ZNF630: variants seen among roughly 807,000 people sequenced by gnomAD.
ZNF630 encodes dJ54B20.2 (novel KRAB box containing C2H2 type zinc finger protein).
Under a neutral mutation model 7.2 loss-of-function variants are expected in ZNF630, and 5 were observed. The ratio of observed to expected loss-of-function variants is 0.70; its 90% CI spans 0.36 to 1.46. The LOEUF (loss-of-function observed/expected upper bound fraction) is 1.46. Ranked by LOEUF, ZNF630 falls within the 40% of genes most tolerant of loss-of-function variation. The pLI, the probability that ZNF630 is intolerant of heterozygous loss-of-function variation, is 0.03. For missense variants in ZNF630, 461 were observed against 477.0 expected, an observed-to-expected ratio of 0.97 and a Z score of 0.31; for synonymous variants, 158 against 162.8, an observed-to-expected ratio of 0.97 and a Z score of 0.23.
chrX:48,069,525 A>G (rs782182684), intron 1 of ZNF630, among the ~76,000 whole-genome samples: 1 of 111,807 alleles, frequency 8.9e-6, no homozygotes, highest in South Asian at 3.7e-4. Flanking sequence ...AGGAAGATCC[A>G]TGAAATATAT....
At position 48,060,052 on chromosome X, in the gene ZNF630, T is replaced by C. The variant is rs2059095987; in HGVS notation, c.390A>G (p.Gly130=). 8.3e-7 allele frequency: 1 copy of C among 1,204,027 alleles called. No homozygotes were observed. Among genetic ancestry groups the C allele is most frequent in the South Asian group, 1.8e-5 (1 of 56,324 alleles). ...CCTGCCTCAAAACTCTGTCTTGATT[T>C]CCTTGATATCTATCCATCTGATTAT... ...HIDNQMDRYQ[G]NQDRVLRQVT... The change falls in exon 5 of 5, where the codon GGA becomes GGG. Residue 130 remains glycine (G), a synonymous_variant. Transcript: ENST00000276054.
chrX:48,070,643 A>G (rs1189065777), intron 1 of ZNF630, among the ~76,000 whole-genome samples: 1 of 108,595 alleles, frequency 9.2e-6, no homozygotes, highest in Non-Finnish European at 1.9e-5. Context: ...AATTCCTACA[A>G]ATCATTAAGA....
intron 2 of ZNF630, chrX:48,061,808 T>C (rs1556909229): frequency 1.6e-5 from 5 of 321,323 alleles, no homozygotes; most frequent in South Asian, 1.4e-4. Context: ...TCCACCATGA[T>C]TGTAAGTTTC....
chrX:48,057,848 G>A lies in ZNF630; in HGVS notation c.*620C>T, dbSNP rs2059076907. On this transcript the variant is annotated 3_prime_UTR_variant, in exon 5 of 5. Transcript: ENST00000276054. The stretch of plus-strand genomic sequence containing the variant: ...AAGTGGGTGGATCACCTGAGGTCAG[G>A]AGTTCGAGACCAGCCTTGCCAACAT... Among the ~76,000 whole-genome samples the A allele has an allele frequency of 9.0e-6, 1 of 110,515 alleles. No homozygotes were observed. Among genetic ancestry groups the A allele is most frequent in the East Asian group, 2.8e-4 (1 of 3,520 alleles).
At chrX:48,068,856 C>T (rs1272639407) in intron 1 of ZNF630, among the ~76,000 whole-genome samples, 1 of 111,106 alleles carries the variant, frequency 9.0e-6, no homozygotes, top group Non-Finnish European at 1.9e-5. Flanking sequence ...TAAACCAAGT[C>T]GTACTACGGG....
chrX:48,069,841 G>GTTTTTTTTTTTTT (rs1210374790), intron 1 of ZNF630, among the ~76,000 whole-genome samples: 5 of 41,134 alleles, frequency 1.2e-4, no homozygotes, highest in African/African-American at 1.2e-4. Flanking sequence ...GACATTGTCT[G>GTTTTTTTTTTTTT]TTTTTTTTTT....
At position 48,066,911 on chromosome X, in the gene ZNF630, T is replaced by C; in HGVS notation, c.-25A>G. The C allele has an allele frequency of 8.3e-7, 1 of 1,206,487 alleles. No homozygotes were observed. The highest frequency in any genetic ancestry group is 1.1e-6 in the Non-Finnish European group (1 of 891,947). ...TTTTCTGTTTCTCTTTGGAAAGCAGTTGGGGGCGGGGTGGGGTGCAGAAGA... is the reference window on the plus strand; with the variant it reads ...TTTTCTGTTTCTCTTTGGAAAGCAGCTGGGGGCGGGGTGGGGTGCAGAAGA... On this transcript the variant is annotated 5_prime_UTR_variant, in exon 2 of 5. Transcript: ENST00000276054.
At chrX:48,060,422 C>T in intron 4 of ZNF630, 28 bp downstream of exon 4, 1 of 1,155,580 alleles carries the variant, frequency 8.7e-7, no homozygotes, top group East Asian at 3.0e-5. Context: ...AAGATGCCCG[C>T]TTGACCATGT....
intron 1 of ZNF630, among the ~76,000 whole-genome samples, chrX:48,068,044 G>A (rs2059138669): frequency 9.3e-6 from 1 of 107,006 alleles, no homozygotes; most frequent in South Asian, 4.1e-4. Context: ...CCTGGGCAAC[G>A]AGCGAGTGAG....
chrX:48,066,546 A>G (rs929112), intron 2 of ZNF630: 118,257 of 261,453 alleles, frequency 0.45, 22,428 homozygotes, highest in East Asian at 0.6. Flanking sequence ...CTTCAGGAAA[A>G]CTCAGTAATA....
chrX:48,069,041 G>T (rs782593226), intron 1 of ZNF630, among the ~76,000 whole-genome samples: 1 of 110,248 alleles, frequency 9.1e-6, no homozygotes, highest in African/African-American at 3.3e-5. Flanking sequence ...GGAGTTCGAG[G>T]CCAGCCTGAG....
intron 4 of ZNF630, 40 bp downstream of exon 4, chrX:48,060,410 A>G (rs782210647): frequency 8.9e-6 from 10 of 1,125,630 alleles, no homozygotes; most frequent in Non-Finnish European, 1.1e-5. Context: ...TCAAGGAAGA[A>G]GAAGATGCCC....
rs1311730202 is a variant in ZNF630, at chrX:48,059,101, T to C, written c.1341A>G (p.Ile447Met). The C allele has an allele frequency of 8.3e-7, 1 of 1,208,420 alleles. No individual in the cohort carries two copies. The highest frequency in any genetic ancestry group is 1.7e-5 in the African/African-American group (1 of 57,334). Residue 447 changes from isoleucine to methionine, a missense_variant, in exon 5 of 5, where the codon ATA (isoleucine) becomes ATG (methionine). Ile to Met is a conservative substitution (Grantham distance 10, BLOSUM62 1). Coordinates refer to ENST00000276054, the MANE Select transcript of ZNF630 (RefSeq NM_001282201.2). Reference sequence around the variant, plus strand: ...CTCCTGTATGAATTCTTTGATGTCCTATGAGGTGGGACTGTTGGCAGAAAG... The same window carrying C: ...CTCCTGTATGAATTCTTTGATGTCCCATGAGGTGGGACTGTTGGCAGAAAG... ...GKTFCQQSHL[I>M]GHQRIHTGEK... is the part of the protein sequence containing the mutation.
intron 2 of ZNF630, among the ~76,000 whole-genome samples, chrX:48,063,823 G>A (rs1162640817): frequency 3.6e-5 from 4 of 110,891 alleles, no homozygotes; most frequent in Non-Finnish European, 7.5e-5. Context: ...GGGAGGCGGA[G>A]GTTACAGTGA....
chrX:48,068,550 C>T (rs1210580192), intron 1 of ZNF630, among the ~76,000 whole-genome samples: 1 of 112,022 alleles, frequency 8.9e-6, no homozygotes, highest in South Asian at 3.6e-4. Flanking sequence ...AATTTTATAT[C>T]ATTTTCATGG....
rs781950552 is a variant in ZNF630, at chrX:48,057,601, T to G, written c.*867A>C. On this transcript the variant is annotated 3_prime_UTR_variant, in exon 5 of 5. Coordinates refer to ENST00000276054, the MANE Select transcript of ZNF630 (RefSeq NM_001282201.2). The stretch of plus-strand genomic sequence containing the variant: ...ACAAATACACTCTATGAGAACTATG[T>G]TGGAGAAATAACCACAGATATAAAG... Among the ~76,000 whole-genome samples the G allele has an allele frequency of 6.2e-4, 69 of 111,301 alleles. No individual in the cohort carries two copies. The highest frequency in any genetic ancestry group is 2.2e-3 in the African/African-American group (66 of 30,549).
At position 48,059,349 on chromosome X, in the gene ZNF630, G is replaced by A. The variant is rs1253560576; in HGVS notation, c.1093C>T (p.His365Tyr). 8.3e-7 allele frequency: 1 copy of A among 1,206,603 alleles called. No individual in the cohort carries two copies. Among genetic ancestry groups the A allele is most frequent in the African/African-American group, 1.8e-5 (1 of 56,765 alleles). The part of the protein sequence containing the change: ...AFSQKSHLII[H>Y]QRVHTREKPF... ...TTCTCTCTGGTATGAACTCTCTGAT[G>A]TATAATTAGATGTGACTTCTGGGAG... Residue 365 changes from histidine to tyrosine, a missense_variant, in exon 5 of 5, where the codon CAT (histidine) becomes TAT (tyrosine). His to Tyr is a moderately conservative substitution (Grantham distance 83). Coordinates refer to ENST00000276054, the MANE Select transcript of ZNF630 (RefSeq NM_001282201.2).
At position 48,068,715 on chromosome X, in the gene ZNF630, G is replaced by A. The variant is rs371383384; in HGVS notation, c.-175-1654C>T. 1.4e-4 allele frequency among the ~76,000 whole-genome samples: 16 copies of A among 110,654 alleles called. 1 individual carries two copies. The highest frequency in any genetic ancestry group is 1.1e-3 in the Admixed American group (11 of 10,408). On this transcript the variant is annotated intron_variant, in intron 1 of 4. Transcript: ENST00000276054. ...GCCCCTGGTCTAGATAAAACAAGAT[G>A]GGCCATGAGTTGATGACTGATGAGA...
intron 1 of ZNF630, among the ~76,000 whole-genome samples, chrX:48,068,220 AAAAAGAAAAGAAAAG>A (rs782295862): frequency 2.8e-5 from 1 of 35,737 alleles, no homozygotes; most frequent in African/African-American, 8.2e-5. Flanking sequence ...AAAGAAAAGA[AAAAAGAAAAGAAAAG>A]AAAAGAAAAG....
Sources: gnomAD v4.1 joint callset for allele counts (sites outside exome capture counted in the v4.1 genomes callset) on GRCh38, gnomAD v4.1.1 for gene constraint, MANE v1.5 for transcripts, NCBI Gene and HGNC (gene_info 2026-07-23, HGNC 2026-07-21) for gene names.